The following RAB11FIP3 variants were observed in gnomAD, a reference collection of about 807,000 sequenced individuals.
RAB11FIP3 encodes the protein RAB11 family interacting protein 3.
Under a neutral mutation model 77.8 loss-of-function variants are expected in RAB11FIP3, and 17 were observed. That is an observed-to-expected ratio of 0.22 (90% CI 0.15 to 0.33). RAB11FIP3 has a LOEUF of 0.33. Among genes scored for constraint, RAB11FIP3 ranks in the 10% least tolerant of loss-of-function variants. The pLI is 1.00. For missense variants in RAB11FIP3, 1,005 were observed against 1,011.2 expected, an observed-to-expected ratio of 0.99 and a Z score of 0.08; for synonymous variants, 437 against 448.2, an observed-to-expected ratio of 0.98 and a Z score of 0.31.
intron 9 of RAB11FIP3, among the ~76,000 whole-genome samples, chr16:513,087 T>C (rs2032258447): frequency 6.6e-6 from 1 of 152,238 alleles, no homozygotes; most frequent in South Asian, 2.1e-4. Context: ...AAGGGACGGT[T>C]ATTGATTTTC....
intron 1 of RAB11FIP3, among the ~76,000 whole-genome samples, chr16:427,466 T>G (rs1048636087): frequency 6.6e-6 from 1 of 152,208 alleles, no homozygotes; most frequent in Admixed American, 6.5e-5. Context: ...GTCCACGCGG[T>G]CCTCAGGGCA....
At chr16:479,511 G>A (rs2055990381) in intron 3 of RAB11FIP3, among the ~76,000 whole-genome samples, 1 of 152,020 alleles carries the variant, frequency 6.6e-6, no homozygotes. Context: ...GGGCAACAGA[G>A]TGAGACCCTG....
chr16:468,110 TGGGGCCTCAGGGAGGAGGTGCA>T (rs754282410), intron 2 of RAB11FIP3, among the ~76,000 whole-genome samples: 348 of 6,460 alleles, frequency 0.054, 12 homozygotes, highest in Middle Eastern at 0.1. Context: ...GAGGAGGTGC[TGGGGCCTCAGGGAGGAGGTGCA>T]GGGGCCTCAG....
chr16:508,127 G>A (rs1359388199), intron 8 of RAB11FIP3, among the ~76,000 whole-genome samples: 2 of 152,212 alleles, frequency 1.3e-5, no homozygotes, highest in Non-Finnish European at 2.9e-5. Flanking sequence ...CTGCTTGTGT[G>A]GAAGTGCTTT....
chr16:519,077 C>T, intron 10 of RAB11FIP3, 53 bp downstream of exon 10: 3 of 1,568,426 alleles, frequency 1.9e-6, no homozygotes, highest in Non-Finnish European at 2.6e-6. Context: ...CCATGCCCTG[C>T]CTGTGGGGCA....
At chr16:454,303 G>A (rs2055459373) in intron 1 of RAB11FIP3, among the ~76,000 whole-genome samples, 1 of 152,220 alleles carries the variant, frequency 6.6e-6, no homozygotes, top group African/African-American at 2.4e-5. Context: ...CTCTAGCCAG[G>A]CACAGTGGCT....
chr16:449,809 T>C (rs4119134), intron 1 of RAB11FIP3, among the ~76,000 whole-genome samples: 98,276 of 151,618 alleles, frequency 0.65, 32,875 homozygotes, highest in African/African-American at 0.82. Flanking sequence ...AAATTAGCCG[T>C]GCGTGATGGC....
intron 3 of RAB11FIP3, among the ~76,000 whole-genome samples, chr16:473,826 G>A (rs895489253): frequency 1.3e-5 from 2 of 152,132 alleles, no homozygotes; most frequent in African/African-American, 4.8e-5. Flanking sequence ...CACGATTATA[G>A]TGTCACAGAG....
chr16:500,948 G>C (rs918517148), intron 6 of RAB11FIP3, among the ~76,000 whole-genome samples: 6 of 152,082 alleles, frequency 3.9e-5, no homozygotes, highest in African/African-American at 1.4e-4. Flanking sequence ...ATGTTTGGGG[G>C]CAAGGTCATG....
chr16:455,752 C>T (rs778374754), intron 1 of RAB11FIP3, among the ~76,000 whole-genome samples: 2 of 151,978 alleles, frequency 1.3e-5, no homozygotes, highest in Non-Finnish European at 2.9e-5. Flanking sequence ...CGTGGACCGA[C>T]GAATTTTTTG....
chr16:457,317 T>G (rs1215044919), intron 1 of RAB11FIP3, among the ~76,000 whole-genome samples: 1 of 152,122 alleles, frequency 6.6e-6, no homozygotes, highest in East Asian at 1.9e-4. Flanking sequence ...GTCAGTAAGT[T>G]TTTCATACTG....
chr16:473,219 GT>G (rs1264809093), intron 3 of RAB11FIP3, among the ~76,000 whole-genome samples: 1 of 152,230 alleles, frequency 6.6e-6, no homozygotes, highest in Non-Finnish European at 1.5e-5. Context: ...GGTCTGAAGG[GT>G]GTGGCCGAGC....
chr16:464,949 G>GAATGCGATC (rs1485188248), intron 2 of RAB11FIP3, among the ~76,000 whole-genome samples: 1 of 152,152 alleles, frequency 6.6e-6, no homozygotes, highest in African/African-American at 2.4e-5. Flanking sequence ...GTGTAATAGA[G>GAATGCGATC]AATGCGATCT....
intron 3 of RAB11FIP3, chr16:475,076 G>C: frequency 1.3e-6 from 2 of 1,551,486 alleles, no homozygotes; most frequent in Non-Finnish European, 8.7e-7. Flanking sequence ...AGCCTGTGAG[G>C]CCACCCGGGC....
rs185451781 is a variant in RAB11FIP3 at position 447,692 on chromosome 16, C to A, written c.715-13712C>A. On this transcript the variant is annotated intron_variant, in intron 1 of 13. Transcript: ENST00000262305. ...GGCAGAGGTTGCAGTGAGCCGAGAT[C>A]GCGCCACTGCGCTCCAGCCTGGGCA... 2.0e-5 allele frequency among the ~76,000 whole-genome samples: 3 copies of A among 151,902 alleles called. No homozygotes were observed. In the East Asian group the frequency reaches 5.9e-4, roughly 30 times the overall value.
chr16:454,397 C>T (rs1280462796), intron 1 of RAB11FIP3, among the ~76,000 whole-genome samples: 2 of 152,030 alleles, frequency 1.3e-5, no homozygotes, highest in Non-Finnish European at 2.9e-5. Flanking sequence ...AGCAACATAG[C>T]GAGATCGCCT....
chr16:426,141 C>G lies in RAB11FIP3; in HGVS notation c.135C>G (p.Val45=). The change falls in exon 1 of 14, where the codon GTC becomes GTG. Residue 45 remains valine (V), a synonymous_variant. Coordinates refer to ENST00000262305, the MANE Select transcript of RAB11FIP3 (RefSeq NM_014700.4). The surrounding 1 kb of genome is among the most constrained non-coding windows in gnomAD (Gnocchi z 5.0). ...GPAELRLGAP[V]GGPDPQSPGL... is the part of the protein sequence containing the mutation. ...CGGAGCTACGCCTCGGAGCGCCCGT[C>G]GGCGGCCCCGACCCGCAGTCCCCGG... 9.9e-7 allele frequency: 1 copy of G among 1,012,654 alleles called. No individual in the cohort carries two copies. The highest frequency in any genetic ancestry group is 4.5e-5 in the South Asian group (1 of 22,378). 62.7% of individuals were successfully genotyped at this position (1,012,654 alleles called of 1,614,324 possible). A position where few individuals can be genotyped will look rare whatever the true frequency, so the allele number is the denominator to read the frequency against.
chr16:505,706 A>G lies in RAB11FIP3; in HGVS notation c.1499+79A>G. 2 of 1,228,736 alleles carry G rather than the reference A, an allele frequency of 1.6e-6. No individual in the cohort carries two copies. The highest frequency in any genetic ancestry group is 2.7e-5 in the South Asian group (2 of 73,352). 76.1% of individuals were successfully genotyped at this position (1,228,736 alleles called of 1,614,324 possible). A position where few individuals can be genotyped will look rare whatever the true frequency, so the allele number is the denominator to read the frequency against. On this transcript the variant is annotated intron_variant, in intron 8 of 13. Transcript: ENST00000262305. The surrounding 1 kb of genome is among the most constrained non-coding windows in gnomAD (Gnocchi z 4.0). ...TGTCAGCCCCCATTTACTTCTCTTT[A>G]CCTCACACAGCAGGGGCTTGGCCAC...
At chr16:477,106 T>A (rs1464646696) in intron 3 of RAB11FIP3, among the ~76,000 whole-genome samples, 2 of 134,436 alleles carry the variant, frequency 1.5e-5, no homozygotes, top group Non-Finnish European at 3.2e-5. Context: ...AAAAAAAAAT[T>A]AGTCAGGCAT....
Sources: gnomAD v4.1 joint callset for allele counts (sites outside exome capture counted in the v4.1 genomes callset) on GRCh38, gnomAD v4.1.1 for gene constraint, Gnocchi (gnomAD v3.1) non-coding constraint, MANE v1.5 for transcripts, NCBI Gene and HGNC (gene_info 2026-07-23, HGNC 2026-07-21) for gene names.